The following DEDD variants were observed in gnomAD, a reference collection of about 807,000 sequenced individuals.
DEDD encodes death effector domain-containing protein.
A neutral mutation model predicts 29.2 loss-of-function variants in DEDD; 3 were observed. The observed-to-expected ratio is 0.10, with a 90% CI of 0.05 to 0.27. The LOEUF (loss-of-function observed/expected upper bound fraction) is 0.27, where lower values mean the gene tolerates loss of function less well. Among genes scored for constraint, DEDD ranks in the 10% least tolerant of loss-of-function variants. The pLI is 1.00. For missense variants in DEDD, 261 were observed against 420.5 expected (o/e 0.62, Z 3.32); for synonymous variants, 152 against 161.3 (o/e 0.94, Z 0.44).
In DEDD at chr1:161,121,009, T is replaced by C. The variant is rs1489462645; in HGVS notation, c.*1138A>G. ...TAGTCATTGTTTATTTCATGGAAAC[T>C]GAAGTTCTGCTGAGGGCTGAGCAGC... On this transcript the variant is annotated 3_prime_UTR_variant, in exon 6 of 6. Coordinates refer to ENST00000368006, the MANE Select transcript of DEDD (RefSeq NM_032998.3). 1 of 1,382,210 alleles carries C rather than the reference T, an allele frequency of 7.2e-7. No homozygotes were observed. Among genetic ancestry groups the C allele is most frequent in the Non-Finnish European group, 9.4e-7 (1 of 1,068,314 alleles). 85.6% of individuals were successfully genotyped at this position (1,382,210 alleles called of 1,614,324 possible).
At chr1:161,131,530 G>A (rs941502626) in intron 1 of DEDD, among the ~76,000 whole-genome samples, 4 of 151,990 alleles carry the variant, frequency 2.6e-5, no homozygotes, top group African/African-American at 9.7e-5. Context: ...AGCATATAGG[G>A]TTCCAATATA....
chr1:161,124,496 TC>T lies in DEDD; in HGVS notation c.-35del. 6.4e-7 allele frequency: 1 copy of T among 1,571,868 alleles called. No homozygotes were observed. The highest frequency in any genetic ancestry group is 8.7e-7 in the Non-Finnish European group (1 of 1,154,368). ...CTCAGGTACGCAATGCTTTCCAGAA[TC>T]CCTGCTCAGCAGCTGCAATCCCCAC... On this transcript the variant is annotated 5_prime_UTR_variant, in exon 3 of 6. The change abolishes the stop of an existing upstream ORF in the 5' untranslated region. Transcript: ENST00000368006.
chr1:161,131,936 T>G (rs1571243830), intron 1 of DEDD, among the ~76,000 whole-genome samples: 1 of 150,918 alleles, frequency 6.6e-6, no homozygotes, highest in Admixed American at 6.6e-5. Context: ...CCTCCCAGTC[T>G]CTCACTTTCT....
At chr1:161,126,222 T>C (rs1656156395) in intron 2 of DEDD, among the ~76,000 whole-genome samples, 1 of 152,078 alleles carries the variant, frequency 6.6e-6, no homozygotes, top group African/African-American at 2.4e-5. Flanking sequence ...TTAACCTACC[T>C]AAATCCATCC....
chr1:161,129,590 G>A (rs1277913726), intron 2 of DEDD, among the ~76,000 whole-genome samples: 2 of 145,822 alleles, frequency 1.4e-5, no homozygotes, highest in African/African-American at 2.5e-5. Flanking sequence ...AGTAAAATTA[G>A]AAAAGAAAAC....
rs928019906 is a variant in DEDD, at chr1:161,121,596, G to A, written c.*551C>T. On this transcript the variant is annotated 3_prime_UTR_variant, in exon 6 of 6. Transcript: ENST00000368006. The stretch of plus-strand genomic sequence containing the variant: ...TCAAGCCATGGAATGGAGGAAAGGC[G>A]GCAGAGAGGAGCAGCACCAGAGGCC... 6.5e-6 allele frequency: 1 copy of A among 154,378 alleles called. No homozygotes were observed. Among genetic ancestry groups the A allele is most frequent in the South Asian group, 2.0e-4 (1 of 5,016 alleles). 9.6% of individuals were successfully genotyped at this position (154,378 alleles called of 1,614,324 possible).
In DEDD at chr1:161,122,658, C is replaced by CAGG. The variant is rs565091262; in HGVS notation, c.581-138_581-136dup. 135 of 1,164,286 alleles carry CAGG rather than the reference C, an allele frequency of 1.2e-4. 4 individuals are homozygous for CAGG. The South Asian group carries it at 1.4e-3, about 12-fold the overall frequency. The allele number at this position is 1,164,286 out of a possible 1,614,324, so 72.1% of individuals were successfully genotyped here. ...CCTGACAGCTTCTCTACCTCTTCCC[C>CAGG]AGGACTATTTCTATGTATCTCTGAA... On this transcript the variant is annotated intron_variant, in intron 5 of 5. Transcript: ENST00000368006. The surrounding 1 kb of genome is among the most constrained non-coding windows in gnomAD (Gnocchi z 4.2).
At chr1:161,126,803 T>A (rs1402676990) in intron 2 of DEDD, among the ~76,000 whole-genome samples, 1 of 152,138 alleles carries the variant, frequency 6.6e-6, no homozygotes, top group East Asian at 1.9e-4. Context: ...CAGGCTCTTC[T>A]CTTTGCCTGA....
intron 2 of DEDD, among the ~76,000 whole-genome samples, chr1:161,128,410 G>A (rs1390341267): frequency 6.6e-6 from 1 of 152,088 alleles, no homozygotes; most frequent in Non-Finnish European, 1.5e-5. Context: ...AGATCAGCTT[G>A]GACAACATGG....
At chr1:161,123,352 A>C in intron 4 of DEDD, 131 bp from the exon 5 acceptor site, 1 of 913,274 alleles carries the variant, frequency 1.1e-6, no homozygotes, top group Non-Finnish European at 1.7e-6. Context: ...TTGAAAAGAC[A>C]TGTGAGACCA....
rs551356953 is a variant in DEDD at position 161,125,792 on chromosome 1, G to A, written c.-64-1266C>T. Among the ~76,000 whole-genome samples, 7 of 152,204 alleles carry A rather than the reference G, an allele frequency of 4.6e-5. No homozygotes were observed. In the South Asian group the frequency reaches 6.2e-4, roughly 14 times the overall value. On this transcript the variant is annotated intron_variant, in intron 2 of 5. Coordinates refer to ENST00000368006, the MANE Select transcript of DEDD (RefSeq NM_032998.3). ...GCTGGGATTACAGGCGTGAGCCACCGTACCTGGCCTTGGCAATACCACCTT... is the reference window on the plus strand; with the variant it reads ...GCTGGGATTACAGGCGTGAGCCACCATACCTGGCCTTGGCAATACCACCTT...
chr1:161,125,755 G>A (rs559373117), intron 2 of DEDD, among the ~76,000 whole-genome samples: 2 of 152,266 alleles, frequency 1.3e-5, no homozygotes, highest in South Asian at 4.2e-4. Context: ...ACCCACCTCG[G>A]CCTCCCAAAG....
intron 2 of DEDD, among the ~76,000 whole-genome samples, chr1:161,128,723 G>C (rs1656387245): frequency 6.6e-6 from 1 of 151,978 alleles, no homozygotes; most frequent in South Asian, 2.1e-4. Context: ...ATGGTAAAGG[G>C]TCAAAAGAAT....
chr1:161,124,734 G>C (rs966977948), intron 2 of DEDD: 12 of 509,226 alleles, frequency 2.4e-5, no homozygotes, highest in African/African-American at 1.9e-4. Flanking sequence ...GGCCAAGGCA[G>C]GAGGATCACT....
chr1:161,126,348 T>G (rs1191393505), intron 2 of DEDD, among the ~76,000 whole-genome samples: 1 of 149,660 alleles, frequency 6.7e-6, no homozygotes, highest in African/African-American at 2.5e-5. Flanking sequence ...AAACTCTTTT[T>G]TTTTTTTTTT....
chr1:161,124,582 G>C, intron 2 of DEDD, 56 bp from the exon 3 acceptor site: 1 of 1,469,262 alleles, frequency 6.8e-7, no homozygotes, highest in Non-Finnish European at 9.0e-7. Context: ...CTAGTCTCAT[G>C]CATTCCCATA....
chr1:161,122,561 A>G lies in DEDD; in HGVS notation c.581-38T>C. On this transcript the variant is annotated intron_variant, in intron 5 of 5. Transcript: ENST00000368006. The surrounding 1 kb of genome is among the most constrained non-coding windows in gnomAD (Gnocchi z 4.2). Reference sequence around the variant, plus strand: ...GAAGATACAGAGCAGAAGAGGTTACAGTAAGGGATGAGTTTACAAGCCAAG... The same window carrying G: ...GAAGATACAGAGCAGAAGAGGTTACGGTAAGGGATGAGTTTACAAGCCAAG... 6.3e-7 allele frequency: 1 copy of G among 1,590,366 alleles called. No homozygotes were observed. Among genetic ancestry groups the G allele is most frequent in the Non-Finnish European group, 8.6e-7 (1 of 1,165,974 alleles).
intron 2 of DEDD, among the ~76,000 whole-genome samples, chr1:161,130,269 T>C (rs1656559247): frequency 6.6e-6 from 1 of 152,144 alleles, no homozygotes; most frequent in African/African-American, 2.4e-5. Flanking sequence ...CAAAAAAAAG[T>C]GGTATCTTGA....
In DEDD at chr1:161,123,190, G is replaced by A. The variant is rs748205290; in HGVS notation, c.465C>T (p.Pro155=). 3.7e-6 allele frequency: 6 copies of A among 1,614,174 alleles called. No homozygotes were observed. Among genetic ancestry groups the A allele is most frequent in the Non-Finnish European group, 4.2e-6 (5 of 1,180,030 alleles). Residue 155 remains proline (P), a synonymous_variant, in exon 5 of 6, where the codon CCC becomes CCT. Coordinates refer to ENST00000368006, the MANE Select transcript of DEDD (RefSeq NM_032998.3). ...VPPHYPVVCC[P]TSGPQMCSKR... ...TGCTACACATCTGAGGACCCGAAGT[G>A]GGGCAACACACCACAGGATAGTGGG...
Sources: gnomAD v4.1 joint callset for allele counts (sites outside exome capture counted in the v4.1 genomes callset) on GRCh38, gnomAD v4.1.1 for gene constraint, Gnocchi (gnomAD v3.1) non-coding constraint, MANE v1.5 for transcripts, NCBI Gene and HGNC (gene_info 2026-07-23, HGNC 2026-07-21) for gene names.